The following MAP3K14 variants were observed in gnomAD, a reference collection of about 807,000 sequenced individuals.
The protein encoded by MAP3K14 is NF-kappa-beta-inducing kinase.
MAP3K14 carries 16 observed loss-of-function variants against 99.2 expected under a neutral mutation model. That is an observed-to-expected ratio of 0.16 (90% confidence interval 0.11 to 0.24). MAP3K14 has a LOEUF of 0.24. Ranked by LOEUF, MAP3K14 falls within the 10% of genes least tolerant of loss-of-function variation. MAP3K14 has a pLI of 1.00. For synonymous variants in MAP3K14, 462 were observed against 492.4 expected (o/e 0.94, Z 0.82); for missense variants, 784 against 1,208.7 (o/e 0.65, Z 5.21).
At chr17:45,281,413 C>T (rs1406215934) in intron 6 of MAP3K14, among the ~76,000 whole-genome samples, 1 of 148,548 alleles carries the variant, frequency 6.7e-6, no homozygotes, top group East Asian at 2.0e-4. Flanking sequence ...GGCACAATCT[C>T]GGCTCACTGC....
Position 45,274,353 on chromosome 17 carries a change from G to A in MAP3K14, c.1421-99C>T, listed in dbSNP as rs892144510. On this transcript the variant is annotated intron_variant, in intron 7 of 15. Coordinates refer to ENST00000344686, the MANE Select transcript of MAP3K14 (RefSeq NM_003954.5). ...GCAGGCAGTGGAAAGCAGGGTCACAGGGTCAAGAGGTTAACAATGGATAGA... is the reference window on the plus strand; with the variant it reads ...GCAGGCAGTGGAAAGCAGGGTCACAAGGTCAAGAGGTTAACAATGGATAGA... 12 of 1,571,180 alleles carry A rather than the reference G, an allele frequency of 7.6e-6. No individual in the cohort carries two copies. The African/African-American group carries it at 8.1e-5, about 11-fold the overall frequency.
At chr17:45,312,768 C>A (rs2044492196) in intron 1 of MAP3K14, among the ~76,000 whole-genome samples, 1 of 152,134 alleles carries the variant, frequency 6.6e-6, no homozygotes, top group Non-Finnish European at 1.5e-5. Flanking sequence ...GGCCCCCAGA[C>A]AGAGTCTCAG....
chr17:45,282,726 T>G (rs748865265), intron 6 of MAP3K14, among the ~76,000 whole-genome samples: 10 of 152,038 alleles, frequency 6.6e-5, no homozygotes, highest in African/African-American at 9.7e-5. Flanking sequence ...CCAAGGAGCA[T>G]CAGGGGGGCA....
chr17:45,283,267 C>G (rs1161792687), intron 6 of MAP3K14, among the ~76,000 whole-genome samples: 2 of 152,204 alleles, frequency 1.3e-5, no homozygotes, highest in Non-Finnish European at 2.9e-5. Flanking sequence ...CTCCGGTAGC[C>G]TGGGGAGGGG....
chr17:45,274,753 T>C (rs903564008), intron 6 of MAP3K14, among the ~76,000 whole-genome samples, 160 bp from the exon 7 acceptor site: 4 of 152,220 alleles, frequency 2.6e-5, no homozygotes, highest in African/African-American at 2.4e-5. Flanking sequence ...AGAGGCTAAA[T>C]TGTGTATCCC....
Position 45,267,394 on chromosome 17 carries a change from G to T in MAP3K14, c.2326+12C>A. The T allele has an allele frequency of 6.4e-7, 1 of 1,571,654 alleles. No homozygotes were observed. The highest frequency in any genetic ancestry group is 1.2e-5 in the South Asian group (1 of 86,154). The stretch of plus-strand genomic sequence containing the variant: ...GTGCTCAGGGCCCCACTGCAGCCAC[G>T]GCTGCCCGTACCTATTTCCAGCTGC... On this transcript the variant is annotated intron_variant, in intron 12 of 15. Coordinates refer to ENST00000344686, the MANE Select transcript of MAP3K14 (RefSeq NM_003954.5). This position sits in a 1 kb window ranked among gnomAD's most constrained non-coding sequence, Gnocchi z 5.1.
At chr17:45,271,271 A>G (rs767983116) in intron 9 of MAP3K14, 50 bp from the exon 10 acceptor site, 2 of 1,544,768 alleles carry the variant, frequency 1.3e-6, no homozygotes, top group South Asian at 2.4e-5. Context: ...GATGGGCAGG[A>G]GCCTAGGCAA....
intron 1 of MAP3K14, among the ~76,000 whole-genome samples, chr17:45,312,044 G>A (rs769842739): frequency 6.6e-6 from 1 of 152,240 alleles, no homozygotes; most frequent in Non-Finnish European, 1.5e-5. Flanking sequence ...CCCTGGGGCT[G>A]GGATGAGGCT....
intron 1 of MAP3K14, among the ~76,000 whole-genome samples, chr17:45,312,399 A>T (rs1460113140): frequency 6.6e-6 from 1 of 152,232 alleles, no homozygotes; most frequent in Non-Finnish European, 1.5e-5. Flanking sequence ...TCTAAAAACT[A>T]GCTTCACTTT....
intron 1 of MAP3K14, among the ~76,000 whole-genome samples, chr17:45,307,546 C>T (rs1268839339): frequency 1.3e-5 from 2 of 152,174 alleles, no homozygotes; most frequent in Non-Finnish European, 2.9e-5. Flanking sequence ...TGAAAAACAA[C>T]TCTCCTTATT....
At chr17:45,281,255 C>G (rs1223760845) in intron 6 of MAP3K14, among the ~76,000 whole-genome samples, 1 of 151,830 alleles carries the variant, frequency 6.6e-6, no homozygotes, top group Non-Finnish European at 1.5e-5. Flanking sequence ...TGCCACCATG[C>G]CTGGCTAATT....
chr17:45,270,944 G>T, intron 10 of MAP3K14, 114 bp downstream of exon 10: 2 of 1,380,188 alleles, frequency 1.4e-6, no homozygotes, highest in South Asian at 1.2e-5. Context: ...CCACATGGAT[G>T]ACCAGGCCTC....
intron 6 of MAP3K14, among the ~76,000 whole-genome samples, chr17:45,275,760 C>CTTTTTT (rs369154222): frequency 1.2e-4 from 15 of 123,528 alleles, no homozygotes; most frequent in South Asian, 2.6e-4. Flanking sequence ...CTTTTCTTTT[C>CTTTTTT]TTTTTTTTTT....
chr17:45,282,899 G>T (rs572540740), intron 6 of MAP3K14, among the ~76,000 whole-genome samples: 1 of 152,312 alleles, frequency 6.6e-6, no homozygotes, highest in South Asian at 2.1e-4. Flanking sequence ...CCAACCAATG[G>T]CAGCTGTGCA....
At chr17:45,294,772 A>G (rs1269627014) in intron 1 of MAP3K14, among the ~76,000 whole-genome samples, 1 of 152,244 alleles carries the variant, frequency 6.6e-6, no homozygotes, top group Non-Finnish European at 1.5e-5. Flanking sequence ...AGGGCCAGAG[A>G]CTGCCACCTG....
At chr17:45,316,697 C>A (rs149462394) in intron 1 of MAP3K14, among the ~76,000 whole-genome samples, 5,101 of 152,052 alleles carry the variant, frequency 0.034, 216 homozygotes, top group African/African-American at 0.097. Context: ...TGCGCGCGCT[C>A]GGAGCCAGCG....
At chr17:45,274,920 G>A (rs1356272134) in intron 6 of MAP3K14, among the ~76,000 whole-genome samples, 3 of 151,844 alleles carry the variant, frequency 2.0e-5, no homozygotes, top group East Asian at 3.9e-4. Flanking sequence ...GGTGGATCAC[G>A]AGGTCAGGAG....
At chr17:45,288,510 T>C (rs1339356995) in intron 3 of MAP3K14, among the ~76,000 whole-genome samples, 1 of 151,870 alleles carries the variant, frequency 6.6e-6, no homozygotes, top group Non-Finnish European at 1.5e-5. Flanking sequence ...CCTGAGTAGC[T>C]GAGGTTACAG....
rs957452957 is a variant in MAP3K14 at position 45,267,054 on chromosome 17, C to T, written c.2433+38G>A. The T allele has an allele frequency of 2.1e-6, 3 of 1,437,864 alleles. No homozygotes were observed. The highest frequency in any genetic ancestry group is 2.9e-6 in the Non-Finnish European group (3 of 1,042,956). The allele number at this position is 1,437,864 out of a possible 1,614,324, so 89.1% of individuals were successfully genotyped here. On this transcript the variant is annotated intron_variant, in intron 13 of 15. Coordinates refer to ENST00000344686, the MANE Select transcript of MAP3K14 (RefSeq NM_003954.5). This position sits in a 1 kb window ranked among gnomAD's most constrained non-coding sequence, Gnocchi z 5.1. ...CTGTGCCAGGGCCGGGAAAACCACACCCCTGGAGCCATGGCTCCGGGGCCA... is the reference window on the plus strand; with the variant it reads ...CTGTGCCAGGGCCGGGAAAACCACATCCCTGGAGCCATGGCTCCGGGGCCA...
Sources: allele counts gnomAD v4.1 joint callset (sites outside exome capture counted in the v4.1 genomes callset), GRCh38; gene constraint gnomAD v4.1.1; non-coding constraint Gnocchi (gnomAD v3.1); transcripts MANE v1.5; gene names NCBI Gene and HGNC (gene_info 2026-07-23, HGNC 2026-07-21).